The following MYO7B variants were observed in gnomAD, a reference collection of about 807,000 sequenced individuals.
MYO7B encodes the protein unconventional myosin-VIIb.
In MYO7B, 212 loss-of-function variants were observed where a neutral mutation model predicts 259.7. The observed-to-expected ratio is 0.82, with a 90% CI of 0.73 to 0.91. MYO7B has a LOEUF of 0.91. MYO7B is among the 40% of genes least tolerant of loss of function. The pLI is 0.00. For synonymous variants in MYO7B, 1,197 were observed against 1,166.4 expected (o/e 1.03, Z -0.54); for missense variants, 2,732 against 2,813.5 (o/e 0.97, Z 0.66).
At chr2:127,567,688 T>A (rs930982780) in intron 5 of MYO7B, among the ~76,000 whole-genome samples, 20 of 152,242 alleles carry the variant, frequency 1.3e-4, no homozygotes, top group African/African-American at 4.1e-4. Flanking sequence ...CATTCATTCA[T>A]TCAATCATTT....
At chr2:127,566,516 A>T in intron 4 of MYO7B, 127 bp from the exon 5 acceptor site, 1 of 848,694 alleles carries the variant, frequency 1.2e-6, no homozygotes, top group Non-Finnish European at 1.8e-6. Flanking sequence ...ATCAGATTCT[A>T]CTTCCCCACC....
intron 1 of MYO7B, among the ~76,000 whole-genome samples, chr2:127,556,271 G>A (rs1197529923): frequency 1.3e-5 from 2 of 152,106 alleles, no homozygotes; most frequent in Non-Finnish European, 1.5e-5. Context: ...ACCCCTTTAA[G>A]TTTATGTGAG....
chr2:127,540,148 C>A (rs1001000773), intron 1 of MYO7B, among the ~76,000 whole-genome samples: 4 of 149,232 alleles, frequency 2.7e-5, no homozygotes, highest in Non-Finnish European at 5.9e-5. Context: ...CATGCACGTG[C>A]AATTGTCTTT....
chr2:127,588,611 C>G (rs1159489656), intron 15 of MYO7B, 56 bp downstream of exon 15: 25 of 1,596,546 alleles, frequency 1.6e-5, no homozygotes, highest in Non-Finnish European at 2.1e-5. Context: ...CAGGGCCAGA[C>G]AGACATGTAC....
intron 18 of MYO7B, 92 bp downstream of exon 18, chr2:127,593,736 G>A (rs1679660263): frequency 8.4e-7 from 1 of 1,185,746 alleles, no homozygotes; most frequent in Non-Finnish European, 1.2e-6. Context: ...TGGTCCATGT[G>A]CCCTGAGCCA....
At chr2:127,630,988 C>T in intron 36 of MYO7B, 80 bp downstream of exon 36, 1 of 1,437,518 alleles carries the variant, frequency 7.0e-7, no homozygotes, top group Non-Finnish European at 9.4e-7. Context: ...CTGCTCCCAG[C>T]CCCGCTCCAC....
chr2:127,596,492 A>G lies in MYO7B; in HGVS notation c.2275A>G (p.Arg759Gly). Reference protein sequence around the residue: ...DHQDTLLEVQRSQVLDRAALS... With the variant: ...DHQDTLLEVQGSQVLDRAALS... Reference sequence around the variant, plus strand: ...TCAGGACACTCTGCTGGAGGTACAGAGAAGCCAGGTGCTAGACAGAGCGGC... The same window carrying G: ...TCAGGACACTCTGCTGGAGGTACAGGGAAGCCAGGTGCTAGACAGAGCGGC... Residue 759 changes from arginine (R) to glycine (G), a missense_variant, in exon 19 of 48, where the codon AGA becomes GGA. Physicochemically the swap from Arg to Gly is moderately radical, Grantham distance 125. Around this residue, in one of 3 missense-constraint regions of MYO7B, gnomAD observed 1,906 missense variants for 2,026.4 expected, o/e 0.94. Transcript: ENST00000409816. 2 of 1,613,732 alleles carry G rather than the reference A, an allele frequency of 1.2e-6. No homozygotes were observed. The highest frequency in any genetic ancestry group is 8.5e-7 in the Non-Finnish European group (1 of 1,179,794).
At chr2:127,598,760 G>A (rs1049786581) in intron 19 of MYO7B, among the ~76,000 whole-genome samples, 8 of 151,554 alleles carry the variant, frequency 5.3e-5, no homozygotes, top group African/African-American at 1.9e-4. Flanking sequence ...TGTGTAGAGC[G>A]TGACACTTAG....
chr2:127,575,877 T>G (rs1478894313), intron 7 of MYO7B, among the ~76,000 whole-genome samples: 1 of 152,156 alleles, frequency 6.6e-6, no homozygotes, highest in Non-Finnish European at 1.5e-5. Context: ...CGCCTCAGCC[T>G]CCCAAAACTG....
At chr2:127,631,148 G>C in intron 36 of MYO7B, 58 bp from the exon 37 acceptor site, 2 of 1,506,296 alleles carry the variant, frequency 1.3e-6, no homozygotes, top group South Asian at 2.7e-5. Context: ...AGAGGACAGA[G>C]AAGCGTGGGA....
chr2:127,594,001 A>G (rs1179652726), intron 18 of MYO7B, among the ~76,000 whole-genome samples: 7 of 152,014 alleles, frequency 4.6e-5, no homozygotes, highest in Non-Finnish European at 1.0e-4. Flanking sequence ...GGCCTCCATC[A>G]TGCTGGGAGC....
chr2:127,632,886 G>A (rs1681596540), intron 39 of MYO7B, among the ~76,000 whole-genome samples: 1 of 152,228 alleles, frequency 6.6e-6, no homozygotes, highest in Non-Finnish European at 1.5e-5. Flanking sequence ...TTCAGTGGCA[G>A]CCGTGGTCAC....
chr2:127,623,438 G>T, intron 29 of MYO7B, 63 bp downstream of exon 29: 1 of 1,454,170 alleles, frequency 6.9e-7, no homozygotes, highest in Non-Finnish European at 9.1e-7. Flanking sequence ...AGCACCCTGA[G>T]GCTCAAGCCC....
intron 1 of MYO7B, among the ~76,000 whole-genome samples, chr2:127,553,820 A>G (rs1051864410): frequency 1.3e-5 from 2 of 152,074 alleles, no homozygotes; most frequent in African/African-American, 4.8e-5. Flanking sequence ...GAGAGTGGGA[A>G]TCCTTGTCTT....
chr2:127,628,102 G>T lies in MYO7B; in HGVS notation c.4461-270G>T, dbSNP rs1261348602. On this transcript the variant is annotated intron_variant, in intron 33 of 47. Transcript: ENST00000409816. This position sits in a 1 kb window ranked among gnomAD's most constrained non-coding sequence, Gnocchi z 4.8. Reference sequence around the variant, plus strand: ...CTCTGACCTTTGCAGTGTCCCTGCGGTGTCACTGCACACCAGCCACCTCAT... The same window carrying T: ...CTCTGACCTTTGCAGTGTCCCTGCGTTGTCACTGCACACCAGCCACCTCAT... 1.4e-5 allele frequency: 9 copies of T among 631,530 alleles called. No homozygotes were observed. Among genetic ancestry groups the T allele is most frequent in the South Asian group, 1.2e-4 (8 of 66,126 alleles). 39.1% of individuals were successfully genotyped at this position (631,530 alleles called of 1,614,324 possible). A position where few individuals can be genotyped will look rare whatever the true frequency, so the allele number is the denominator to read the frequency against.
chr2:127,616,099 A>T (rs1383289471), intron 26 of MYO7B, among the ~76,000 whole-genome samples: 1 of 152,244 alleles, frequency 6.6e-6, no homozygotes, highest in Non-Finnish European at 1.5e-5. Context: ...GCTGCAACTC[A>T]GCTTCTGCCT....
At chr2:127,565,505 G>T in intron 4 of MYO7B, 120 bp downstream of exon 4, 1 of 1,349,352 alleles carries the variant, frequency 7.4e-7, no homozygotes, top group Non-Finnish European at 1.0e-6. Flanking sequence ...GAGGGAGGTG[G>T]GCGAGGTGCC....
intron 26 of MYO7B, among the ~76,000 whole-genome samples, chr2:127,617,275 C>T (rs370567228): frequency 3.1e-4 from 47 of 152,260 alleles, no homozygotes; most frequent in South Asian, 6.2e-4. Context: ...TCACCACTTT[C>T]GATAGGTGCT....
In MYO7B at chr2:127,635,775, C is replaced by G. The variant is rs749510778; in HGVS notation, c.5874C>G (p.Ile1958Met). 1 of 1,600,422 alleles carries G rather than the reference C, an allele frequency of 6.2e-7. No individual in the cohort carries two copies. The highest frequency in any genetic ancestry group is 8.5e-7 in the Non-Finnish European group (1 of 1,173,668). Residue 1958 changes from isoleucine (I) to methionine (M), a missense_variant, in exon 44 of 48, where the codon ATC becomes ATG. Physicochemically the swap from Ile to Met is conservative, Grantham distance 10. Coordinates refer to ENST00000409816, the MANE Select transcript of MYO7B (RefSeq NM_001393586.1). ...ACAAGTGTTCGCGGGAGGATGCCAT[C>G]CACCTGGCGGGCCTCATCTACAAGG... ...GFHKCSREDAIHLAGLIYKAQ... is the reference protein window; with the variant it reads ...GFHKCSREDAMHLAGLIYKAQ...
Sources: gnomAD v4.1 joint callset for allele counts (sites outside exome capture counted in the v4.1 genomes callset) on GRCh38, gnomAD v4.1.1 for gene constraint, gnomAD v4.1.1 regional missense constraint, Gnocchi (gnomAD v3.1) non-coding constraint, MANE v1.5 for transcripts, NCBI Gene and HGNC (gene_info 2026-07-23, HGNC 2026-07-21) for gene names.